Variants in PRDM5 observed in about 807,000 individuals in gnomAD.
The protein encoded by PRDM5 is PR/SET domain 5.
PRDM5 carries 56 observed loss-of-function variants against 81.2 expected under a neutral mutation model. The ratio of observed to expected loss-of-function variants is 0.69; its 90% CI spans 0.56 to 0.86. The LOEUF (loss-of-function observed/expected upper bound fraction) is 0.86. Ranked by LOEUF, PRDM5 falls within the 40% of genes least tolerant of loss-of-function variation. The probability of loss-of-function intolerance (pLI) is 0.00; values close to 1 mark genes in which losing one functional copy is unlikely to be tolerated. For missense variants in PRDM5, 697 were observed against 770.1 expected (o/e 0.91, Z 1.12); for synonymous variants, 267 against 256.4 (o/e 1.04, Z -0.39).
intron 3 of PRDM5, among the ~76,000 whole-genome samples, chr4:120,823,359 T>G (rs1755539516): frequency 6.6e-6 from 1 of 152,154 alleles, no homozygotes; most frequent in Admixed American, 6.5e-5. Flanking sequence ...TTAATGAAAG[T>G]AATGGCAGCA....
intron 14 of PRDM5, among the ~76,000 whole-genome samples, chr4:120,749,540 G>A (rs1409110286): frequency 1.3e-5 from 2 of 152,160 alleles, no homozygotes; most frequent in African/African-American, 2.4e-5. Context: ...ACAAGGTGAT[G>A]AGCAGTGGCT....
At chr4:120,784,906 G>T in intron 11 of PRDM5, 92 bp downstream of exon 11, 2 of 990,820 alleles carry the variant, frequency 2.0e-6, no homozygotes, top group Non-Finnish European at 3.2e-6. Flanking sequence ...ATACTTATAG[G>T]CACACCTCTG....
chr4:120,883,173 CCTTCAT>C (rs1366731292), intron 2 of PRDM5, among the ~76,000 whole-genome samples: 1 of 151,978 alleles, frequency 6.6e-6, no homozygotes, highest in Non-Finnish European at 1.5e-5. Context: ...TCCCCTTCTG[CCTTCAT>C]TTTTTTCTCT....
At chr4:120,901,445 C>T (rs2390060) in intron 2 of PRDM5, among the ~76,000 whole-genome samples, 143,064 of 152,300 alleles carry the variant, frequency 0.94, 67,261 homozygotes, top group Middle Eastern at 0.98. Flanking sequence ...ATCCAGGAGA[C>T]AGACGTAGGA....
chr4:120,746,949 G>A (rs1037880682), intron 14 of PRDM5, among the ~76,000 whole-genome samples: 30 of 151,164 alleles, frequency 2.0e-4, no homozygotes, highest in African/African-American at 7.1e-4. Context: ...TACCCAAAGG[G>A]CTATAAATCA....
intron 4 of PRDM5, 25 bp downstream of exon 4, chr4:120,821,146 A>G: frequency 6.2e-7 from 1 of 1,610,416 alleles, no homozygotes; most frequent in Middle Eastern, 1.7e-4. Flanking sequence ...TTCTTCTCCC[A>G]GATCACCAAT....
intron 12 of PRDM5, 103 bp from the exon 13 acceptor site, chr4:120,777,384 T>A: frequency 6.5e-7 from 1 of 1,550,284 alleles, no homozygotes; most frequent in South Asian, 1.2e-5. Context: ...TAGGATTACA[T>A]TTCATTAAAA....
downstream of PRDM5, among the ~76,000 whole-genome samples, chr4:120,691,035 AAT>A (rs923228090): frequency 1.3e-5 from 2 of 152,148 alleles, no homozygotes; most frequent in Admixed American, 6.6e-5. Context: ...TAGGTAACTA[AAT>A]ATATGTTTTA....
At chr4:120,684,854 A>G (rs1733777075), downstream of PRDM5, 1 of 152,004 alleles carries the variant, frequency 6.6e-6, no homozygotes, top group Non-Finnish European at 1.5e-5. Flanking sequence ...ATTACATTGA[A>G]TATTACATTA....
intron 2 of PRDM5, among the ~76,000 whole-genome samples, chr4:120,862,160 T>C (rs1760680216): frequency 6.6e-6 from 1 of 152,220 alleles, no homozygotes; most frequent in South Asian, 2.1e-4. Flanking sequence ...CCAGCAATCA[T>C]AGTTCTGTGC....
intron 2 of PRDM5, among the ~76,000 whole-genome samples, chr4:120,905,792 T>C (rs1297732234): frequency 6.6e-6 from 1 of 152,176 alleles, no homozygotes; most frequent in Non-Finnish European, 1.5e-5. Flanking sequence ...TTCCAACCTT[T>C]TCTGATTGCA....
intron 15 of PRDM5, among the ~76,000 whole-genome samples, chr4:120,706,093 T>C (rs201492294): frequency 0.22 from 33,045 of 151,776 alleles, 3,867 homozygotes; most frequent in Non-Finnish European, 0.28. Flanking sequence ...ATCTTTTTTT[T>C]TTTTTTTTTC....
intron 1 of PRDM5, among the ~76,000 whole-genome samples, chr4:120,685,333 T>A (rs897658587): frequency 6.6e-6 from 1 of 152,118 alleles, no homozygotes; most frequent in Non-Finnish European, 1.5e-5. Flanking sequence ...AAAAAATACC[T>A]GATAGTCTAG....
chr4:120,777,415 A>C, intron 12 of PRDM5, 134 bp from the exon 13 acceptor site: 3 of 1,463,674 alleles, frequency 2.0e-6, no homozygotes, highest in Middle Eastern at 2.2e-4. Flanking sequence ...TCACAATGAG[A>C]TTTTAAACAA....
At chr4:120,697,217 G>C (rs887418481) in intron 15 of PRDM5, among the ~76,000 whole-genome samples, 1 of 152,132 alleles carries the variant, frequency 6.6e-6, no homozygotes, top group East Asian at 1.9e-4. Context: ...TATTTTAAGA[G>C]AGGGATTAGA....
intron 2 of PRDM5, among the ~76,000 whole-genome samples, chr4:120,884,885 C>A (rs991518349): frequency 3.9e-5 from 6 of 151,902 alleles, no homozygotes; most frequent in African/African-American, 1.5e-4. Flanking sequence ...AAACACTGGC[C>A]GGGCGCGGTG....
chr4:120,715,673 A>T (rs1270510663), intron 14 of PRDM5, among the ~76,000 whole-genome samples: 1 of 152,220 alleles, frequency 6.6e-6, no homozygotes, highest in Non-Finnish European at 1.5e-5. Flanking sequence ...AAAAACATAC[A>T]AAGACATTAT....
chr4:120,786,159 T>C (rs997999080), intron 10 of PRDM5, among the ~76,000 whole-genome samples: 1 of 152,182 alleles, frequency 6.6e-6, no homozygotes, highest in Admixed American at 6.6e-5. Flanking sequence ...ACTTTATTTA[T>C]AGCCTATTAA....
chr4:120,805,077 A>G (rs1301957827), intron 8 of PRDM5, among the ~76,000 whole-genome samples: 3 of 152,236 alleles, frequency 2.0e-5, no homozygotes, highest in Admixed American at 6.5e-5. Context: ...CAACGCCTCT[A>G]CGCAAATAAA....
Sources: gnomAD v4.1 joint callset for allele counts (sites outside exome capture counted in the v4.1 genomes callset) on GRCh38, gnomAD v4.1.1 for gene constraint, MANE v1.5 for transcripts, NCBI Gene and HGNC (gene_info 2026-07-23, HGNC 2026-07-21) for gene names.